The following CCN4 variants were observed in gnomAD, a reference collection of about 807,000 sequenced individuals.
CCN4 encodes cellular communication network factor 4.
A neutral mutation model predicts 36.7 loss-of-function variants in CCN4; 30 were observed. The ratio of observed to expected loss-of-function variants is 0.82; its 90% confidence interval spans 0.61 to 1.11. The LOEUF (loss-of-function observed/expected upper bound fraction) is 1.11, where lower values mean the gene tolerates loss of function less well. CCN4 is among the 50% of genes least tolerant of loss of function. CCN4 has a pLI of 0.00. For synonymous variants in CCN4, 191 were observed against 195.4 expected, an observed-to-expected ratio of 0.98 and a Z score of 0.19; for missense variants, 505 against 504.9, an observed-to-expected ratio of 1.00 and a Z score of 0.00.
At chr8:133,217,933 T>A (rs1854380593) in intron 2 of CCN4, among the ~76,000 whole-genome samples, 1 of 19,474 alleles carries the variant, frequency 5.1e-5, no homozygotes, top group African/African-American at 3.7e-4. Flanking sequence ...CCCACTCCCT[T>A]CTCCACACAC....
At chr8:133,221,255 G>A (rs1854516014) in intron 3 of CCN4, among the ~76,000 whole-genome samples, 2 of 152,234 alleles carry the variant, frequency 1.3e-5, no homozygotes, top group Admixed American at 1.3e-4. Flanking sequence ...GAAGATGGGT[G>A]GGCAGGTGAG....
chr8:133,198,189 C>G (rs1853457922), intron 1 of CCN4, among the ~76,000 whole-genome samples: 1 of 152,212 alleles, frequency 6.6e-6, no homozygotes, highest in African/African-American at 2.4e-5. Context: ...TAACAAGCAG[C>G]AGGGGAGCTC....
intron 1 of CCN4, among the ~76,000 whole-genome samples, chr8:133,194,828 CGT>C (rs1224410363): frequency 3.0e-5 from 2 of 66,658 alleles, no homozygotes; most frequent in Non-Finnish European, 5.9e-5. Flanking sequence ...GTGTGTGGTA[CGT>C]GTGTGTGTGG....
chr8:133,213,267 A>C, intron 2 of CCN4, 124 bp downstream of exon 2: 1 of 1,223,994 alleles, frequency 8.2e-7, no homozygotes, highest in Non-Finnish European at 1.1e-6. Context: ...CAGGAGATAC[A>C]CCCCATGATC....
chr8:133,218,636 G>T (rs961518899), intron 2 of CCN4, among the ~76,000 whole-genome samples: 3 of 152,174 alleles, frequency 2.0e-5, no homozygotes, highest in Non-Finnish European at 2.9e-5. Context: ...GGCAAACCCT[G>T]AAGGACAGAA....
chr8:133,194,433 T>G (rs1417679574), intron 1 of CCN4, among the ~76,000 whole-genome samples: 4 of 61,546 alleles, frequency 6.5e-5, no homozygotes, highest in African/African-American at 2.0e-4. Flanking sequence ...GTGTGTGGTA[T>G]GTGTGTGTGG....
At chr8:133,197,561 C>G (rs1853434379) in intron 1 of CCN4, among the ~76,000 whole-genome samples, 1 of 151,996 alleles carries the variant, frequency 6.6e-6, no homozygotes, top group Admixed American at 6.6e-5. Context: ...GTCAGCTCCC[C>G]TCCTCCTCCT....
intron 2 of CCN4, among the ~76,000 whole-genome samples, chr8:133,217,527 T>C (rs1471707469): frequency 1.3e-5 from 2 of 152,186 alleles, no homozygotes; most frequent in African/African-American, 4.8e-5. Context: ...ATGAGTCAGC[T>C]GAAGGGACCA....
intron 1 of CCN4, among the ~76,000 whole-genome samples, chr8:133,207,083 C>G (rs757410798): frequency 6.6e-6 from 1 of 152,206 alleles, no homozygotes; most frequent in South Asian, 2.1e-4. Context: ...GTCCTTCTGC[C>G]GTTCCCTGCT....
At chr8:133,213,838 CTATATATACACTATATATAGTAGTTAAAT>C (rs2130584587) in intron 2 of CCN4, among the ~76,000 whole-genome samples, 2 of 131,772 alleles carry the variant, frequency 1.5e-5, no homozygotes, top group African/African-American at 2.7e-5. Context: ...GTTAAATATA[CTATATATACACTATATATAGTAGTTAAAT>C]ATACTATACA....
chr8:133,194,424 T>G, intron 1 of CCN4, among the ~76,000 whole-genome samples: 1 of 76,228 alleles, frequency 1.3e-5, no homozygotes, highest in Non-Finnish European at 2.3e-5. Flanking sequence ...GTGTGGTGTG[T>G]GTGTGGTATG....
chr8:133,216,601 A>T (rs913777861), intron 2 of CCN4, among the ~76,000 whole-genome samples: 14 of 152,250 alleles, frequency 9.2e-5, no homozygotes, highest in Non-Finnish European at 2.1e-4. Flanking sequence ...CTGTGGGCAG[A>T]GGGTGACCTC....
chr8:133,200,388 C>A (rs145144916), intron 1 of CCN4, among the ~76,000 whole-genome samples: 401 of 152,316 alleles, frequency 2.6e-3, no homozygotes, highest in Admixed American at 7.7e-3. Context: ...GCCCACTCTG[C>A]CCTTGTAGGT....
At chr8:133,194,729 A>AGTGTGTG (rs1853291540) in intron 1 of CCN4, among the ~76,000 whole-genome samples, 4 of 20,306 alleles carry the variant, frequency 2.0e-4, no homozygotes, top group East Asian at 2.7e-3. Context: ...GGATGTGTGT[A>AGTGTGTG]GTGTGTGTGT....
intron 3 of CCN4, among the ~76,000 whole-genome samples, chr8:133,223,657 T>G (rs62514032): frequency 1.3e-5 from 2 of 151,210 alleles, no homozygotes. Context: ...ACACACACGC[T>G]TTTTCTCTCT....
Position 133,229,545 on chromosome 8 carries a change from G to C in CCN4, c.*1835G>C, listed in dbSNP as rs1854877867. ...CCCAATGCTGCATATTGAATGTTGT[G>C]TAGTTATTCACAGGGAATTCTGTGC... On this transcript the variant is annotated 3_prime_UTR_variant, in exon 5 of 5. Coordinates refer to ENST00000250160, the MANE Select transcript of CCN4 (RefSeq NM_003882.4). 1 of 152,208 alleles carries C rather than the reference G, an allele frequency of 6.6e-6. No individual in the cohort carries two copies. The highest frequency in any genetic ancestry group is 2.4e-5 in the African/African-American group (1 of 41,450). The allele number at this position is 152,208 out of a possible 1,614,324, so 9.4% of individuals were successfully genotyped here. A position where few individuals can be genotyped will look rare whatever the true frequency, so the allele number is the denominator to read the frequency against.
At chr8:133,216,734 T>C (rs1854333735) in intron 2 of CCN4, among the ~76,000 whole-genome samples, 1 of 152,226 alleles carries the variant, frequency 6.6e-6, no homozygotes, top group Non-Finnish European at 1.5e-5. Context: ...GCTGACAGAC[T>C]TGAGTTTTAG....
chr8:133,226,916 G>A (rs62514033), intron 4 of CCN4, among the ~76,000 whole-genome samples: 24,291 of 152,192 alleles, frequency 0.16, 2,405 homozygotes, highest in Non-Finnish European at 0.23. Context: ...GGAAGGTAGC[G>A]TTACCTTTAA....
chr8:133,217,953 C>CACACACACACACACACACACAA, intron 2 of CCN4, among the ~76,000 whole-genome samples: 1 of 152,002 alleles, frequency 6.6e-6, no homozygotes, highest in Non-Finnish European at 1.5e-5. Context: ...CACACACACA[C>CACACACACACACACACACACAA]ACACACACTC....
Sources: gnomAD v4.1 joint callset for allele counts (sites outside exome capture counted in the v4.1 genomes callset) on GRCh38, gnomAD v4.1.1 for gene constraint, MANE v1.5 for transcripts, NCBI Gene and HGNC (gene_info 2026-07-23, HGNC 2026-07-21) for gene names.